Variants in ROR1 observed in about 807,000 individuals in gnomAD.
ROR1 encodes the protein ROR family WNT receptor 1, also known as inactive tyrosine-protein kinase transmembrane receptor ROR1.
Under a neutral mutation model 78.8 loss-of-function variants are expected in ROR1, and 19 were observed. That is an observed-to-expected ratio of 0.24 (90% CI 0.17 to 0.35). The LOEUF is 0.35. Ranked by LOEUF, ROR1 falls within the 10% of genes least tolerant of loss-of-function variation. The pLI, the probability that ROR1 is intolerant of heterozygous loss-of-function variation, is 1.00. For synonymous variants in ROR1, 386 were observed against 433.6 expected (o/e 0.89, Z 1.36); for missense variants, 917 against 1,177.8 (o/e 0.78, Z 3.24).
chr1:64,027,527 G>A (rs1646623287), intron 2 of ROR1, among the ~76,000 whole-genome samples: 1 of 152,020 alleles, frequency 6.6e-6, no homozygotes, highest in Non-Finnish European at 1.5e-5. Flanking sequence ...CATACTCATT[G>A]TTTAATTCTC....
At chr1:64,032,625 A>G (rs1746927) in intron 2 of ROR1, among the ~76,000 whole-genome samples, 98,207 of 151,956 alleles carry the variant, frequency 0.65, 35,720 homozygotes, top group East Asian at 0.88. Context: ...GCCTTATAAC[A>G]TCATAGCTTC....
intron 8 of ROR1, among the ~76,000 whole-genome samples, chr1:64,164,214 T>C (rs1015094433): frequency 6.6e-6 from 1 of 152,182 alleles, no homozygotes; most frequent in South Asian, 2.1e-4. Flanking sequence ...TTTCCCAACC[T>C]GGAAGGCCCA....
chr1:64,095,808 C>A (rs905400506), intron 4 of ROR1, among the ~76,000 whole-genome samples: 1 of 152,060 alleles, frequency 6.6e-6, no homozygotes, highest in Non-Finnish European at 1.5e-5. Context: ...TGGAAGTGAT[C>A]TAAGGAAGAG....
At chr1:64,032,684 C>T (rs984763824) in intron 2 of ROR1, among the ~76,000 whole-genome samples, 2 of 152,126 alleles carry the variant, frequency 1.3e-5, no homozygotes, top group African/African-American at 4.8e-5. Flanking sequence ...GCAGTCAGCC[C>T]CATCAGAGCT....
At chr1:63,964,055 AG>A (rs1646054701) in intron 1 of ROR1, among the ~76,000 whole-genome samples, 1 of 152,208 alleles carries the variant, frequency 6.6e-6, no homozygotes, top group Admixed American at 6.5e-5. Flanking sequence ...TGGGACACTT[AG>A]GAAGTGTTCA....
intron 2 of ROR1, among the ~76,000 whole-genome samples, chr1:64,036,665 A>G (rs1646704825): frequency 6.6e-6 from 1 of 152,232 alleles, no homozygotes. Flanking sequence ...GCTTTTCTAG[A>G]GAATTTACTT....
intron 4 of ROR1, chr1:64,111,484 G>T (rs182897887): frequency 6.6e-6 from 1 of 152,276 alleles, no homozygotes; most frequent in Admixed American, 6.5e-5. Context: ...TTCAACAACA[G>T]CTTTAGGAGT....
intron 1 of ROR1, among the ~76,000 whole-genome samples, chr1:63,833,773 T>G (rs1244970203): frequency 1.3e-5 from 2 of 152,092 alleles, no homozygotes; most frequent in Non-Finnish European, 2.9e-5. Context: ...GACTTCTGCT[T>G]GCCTGCTTGC....
intron 8 of ROR1, among the ~76,000 whole-genome samples, chr1:64,168,224 G>C (rs1224905591): frequency 6.6e-6 from 1 of 152,232 alleles, no homozygotes; most frequent in African/African-American, 2.4e-5. Flanking sequence ...CCTACCAGCT[G>C]TGAGACCACT....
At chr1:64,073,500 C>G (rs144483363) in intron 4 of ROR1, among the ~76,000 whole-genome samples, 7 of 152,216 alleles carry the variant, frequency 4.6e-5, no homozygotes, top group African/African-American at 1.7e-4. Context: ...TGAAGCTTAC[C>G]AGTTTGCCAA....
intron 1 of ROR1, among the ~76,000 whole-genome samples, chr1:63,981,268 G>A (rs1046838881): frequency 6.6e-6 from 1 of 152,078 alleles, no homozygotes; most frequent in Non-Finnish European, 1.5e-5. Context: ...GCCAAGAATA[G>A]AGCCAGAAAA....
chr1:63,783,118 T>C (rs1220612724), intron 1 of ROR1, among the ~76,000 whole-genome samples: 1 of 152,046 alleles, frequency 6.6e-6, no homozygotes, highest in Non-Finnish European at 1.5e-5. Flanking sequence ...GCCTTCACTG[T>C]GGAATGAAGC....
intron 1 of ROR1, among the ~76,000 whole-genome samples, chr1:63,871,938 A>G (rs1176918645): frequency 6.6e-6 from 1 of 152,196 alleles, no homozygotes; most frequent in African/African-American, 2.4e-5. Flanking sequence ...CTTGTTTTCT[A>G]GTTGTAAATA....
chr1:63,922,018 G>A (rs1645659549), intron 1 of ROR1, among the ~76,000 whole-genome samples: 1 of 152,150 alleles, frequency 6.6e-6, no homozygotes, highest in African/African-American at 2.4e-5. Context: ...ATGCTTCTCA[G>A]CCTATTCTGT....
chr1:63,864,602 G>A (rs941891402), intron 1 of ROR1, among the ~76,000 whole-genome samples: 4 of 152,096 alleles, frequency 2.6e-5, no homozygotes, highest in Non-Finnish European at 5.9e-5. Flanking sequence ...CTGTGCAGGC[G>A]TTTGTCAGCC....
intron 1 of ROR1, among the ~76,000 whole-genome samples, chr1:63,939,207 T>C (rs1290949250): frequency 6.6e-6 from 1 of 152,172 alleles, no homozygotes; most frequent in Non-Finnish European, 1.5e-5. Flanking sequence ...GGCAGTGGTT[T>C]CCAACCTTTG....
chr1:63,813,808 T>C (rs1390938383), intron 1 of ROR1, among the ~76,000 whole-genome samples: 1 of 152,226 alleles, frequency 6.6e-6, no homozygotes, highest in East Asian at 1.9e-4. Context: ...GTCATATTTG[T>C]TTCTTTCACT....
chr1:64,145,089 T>C (rs977191637), intron 7 of ROR1, among the ~76,000 whole-genome samples: 1 of 152,186 alleles, frequency 6.6e-6, no homozygotes, highest in Non-Finnish European at 1.5e-5. Flanking sequence ...ATAGTCAATA[T>C]ATAAAGATAA....
At chr1:63,809,298 C>A in intron 1 of ROR1, among the ~76,000 whole-genome samples, 1 of 152,126 alleles carries the variant, frequency 6.6e-6, no homozygotes, top group East Asian at 1.9e-4. Context: ...ATGAGTCCCC[C>A]ACAGGGTAAT....
Sources: gnomAD v4.1 joint callset for allele counts (sites outside exome capture counted in the v4.1 genomes callset) on GRCh38, gnomAD v4.1.1 for gene constraint, MANE v1.5 for transcripts, NCBI Gene and HGNC (gene_info 2026-07-23, HGNC 2026-07-21) for gene names.